XPO4: variants seen among roughly 807,000 people sequenced by gnomAD.
XPO4 encodes exportin-4.
XPO4 carries 39 observed loss-of-function variants against 143.0 expected under a neutral mutation model. The ratio of observed to expected loss-of-function variants is 0.27; its 90% CI spans 0.21 to 0.36. The LOEUF (loss-of-function observed/expected upper bound fraction) is 0.36, where lower values mean the gene tolerates loss of function less well. Ranked by LOEUF, XPO4 falls within the 10% of genes least tolerant of loss-of-function variation. The pLI, the probability that XPO4 is intolerant of heterozygous loss-of-function variation, is 1.00. For missense variants in XPO4, 907 were observed against 1,348.0 expected, an observed-to-expected ratio of 0.67 and a Z score of 5.12; for synonymous variants, 439 against 474.0, an observed-to-expected ratio of 0.93 and a Z score of 0.96.
rs1451694527 is a variant in XPO4, at chr13:20,779,812, A to G, written c.*3910T>C. The G allele has an allele frequency of 6.6e-6, 1 of 152,624 alleles. No individual in the cohort carries two copies. The highest frequency in any genetic ancestry group is 1.5e-5 in the Non-Finnish European group (1 of 68,030). The allele number at this position is 152,624 out of a possible 1,614,324, so 9.5% of individuals were successfully genotyped here. A position where few individuals can be genotyped will look rare whatever the true frequency, so the allele number is the denominator to read the frequency against. Reference sequence around the variant, plus strand: ...CATGGGTTCTCACTATAATCAACAAAGCATACTTCATATATTTTATATCTA... The same window carrying G: ...CATGGGTTCTCACTATAATCAACAAGGCATACTTCATATATTTTATATCTA... On this transcript the variant is annotated 3_prime_UTR_variant, in exon 23 of 23. Coordinates refer to ENST00000255305, the MANE Select transcript of XPO4 (RefSeq NM_022459.5).
chr13:20,855,840 C>A (rs1190534124), intron 3 of XPO4, 75 bp from the exon 4 acceptor site: 7 of 1,398,208 alleles, frequency 5.0e-6, no homozygotes, highest in Non-Finnish European at 6.7e-6. Flanking sequence ...TCTCTCTATG[C>A]CTGAAGCTAC....
intron 3 of XPO4, among the ~76,000 whole-genome samples, chr13:20,858,922 G>GTATATATATATATATATA (rs59921874): frequency 3.4e-5 from 5 of 148,798 alleles, no homozygotes; most frequent in African/African-American, 1.2e-4. Context: ...ATGTGTGTGT[G>GTATATATATATATATATA]TATATATATA....
intron 1 of XPO4, among the ~76,000 whole-genome samples, chr13:20,894,666 A>AC (rs1300399481): frequency 6.6e-6 from 1 of 151,658 alleles, no homozygotes; most frequent in East Asian, 1.9e-4. Context: ...ACATGGTAAA[A>AC]CCCCGTCTCT....
intron 3 of XPO4, among the ~76,000 whole-genome samples, chr13:20,861,592 G>A (rs1417359081): frequency 2.6e-5 from 4 of 151,506 alleles, no homozygotes; most frequent in African/African-American, 9.7e-5. Flanking sequence ...CACCACATCA[G>A]GCCTCATATA....
At chr13:20,893,790 C>T (rs34189408) in intron 1 of XPO4, among the ~76,000 whole-genome samples, 8,570 of 150,404 alleles carry the variant, frequency 0.057, 620 homozygotes, top group African/African-American at 0.17. Flanking sequence ...AAGAAAGAAA[C>T]ATGGCCTCCT....
At chr13:20,857,922 GA>G in intron 3 of XPO4, 1 of 984,940 alleles carries the variant, frequency 1.0e-6, no homozygotes, top group African/African-American at 1.7e-5. Flanking sequence ...AAATAAAAAA[GA>G]AAAAATTCTG....
chr13:20,836,008 C>T (rs1763808792), intron 6 of XPO4, among the ~76,000 whole-genome samples: 1 of 152,096 alleles, frequency 6.6e-6, no homozygotes, highest in African/African-American at 2.4e-5. Flanking sequence ...TATTATAGTA[C>T]ATATAAAACA....
chr13:20,859,772 T>A (rs2060179646), intron 3 of XPO4: 1 of 778,960 alleles, frequency 1.3e-6, no homozygotes, highest in African/African-American at 2.0e-5. Context: ...CAAGGCTCTG[T>A]CTCAAAAAAA....
chr13:20,870,556 C>G (rs1231660297), intron 1 of XPO4, among the ~76,000 whole-genome samples: 1 of 151,928 alleles, frequency 6.6e-6, no homozygotes, highest in African/African-American at 2.4e-5. Flanking sequence ...ATGGTGAAAC[C>G]CCATCTCTAC....
At chr13:20,851,240 A>G (rs71426039) in intron 4 of XPO4, 16,015 of 985,424 alleles carry the variant, frequency 0.016, 212 homozygotes, top group African/African-American at 0.061. Context: ...GCTACTGGGC[A>G]AGGACAAATA....
At chr13:20,860,406 G>C (rs2060186048) in intron 3 of XPO4, among the ~76,000 whole-genome samples, 1 of 152,180 alleles carries the variant, frequency 6.6e-6, no homozygotes, top group South Asian at 2.1e-4. Context: ...TATCATAATT[G>C]ATTTCAAAAT....
intron 2 of XPO4, chr13:20,866,325 T>C (rs1036586313): frequency 1.0e-6 from 1 of 984,540 alleles, no homozygotes; most frequent in Non-Finnish European, 1.2e-6. Context: ...TGAGGAAAAA[T>C]GAGCAACATA....
chr13:20,879,399 T>C (rs2060384441), intron 1 of XPO4: 1 of 833,692 alleles, frequency 1.2e-6, no homozygotes, highest in Non-Finnish European at 1.4e-6. Flanking sequence ...AGACAATGAA[T>C]ACCCACAAGC....
At position 20,879,058 on chromosome 13, in the gene XPO4, G is replaced by A. The variant is rs924916158; in HGVS notation, c.70-10357C>T. 21 of 959,252 alleles carry A rather than the reference G, an allele frequency of 2.2e-5. No homozygotes were observed. The Admixed American group carries it at 3.1e-4, about 14-fold the overall frequency. 59.4% of individuals were successfully genotyped at this position (959,252 alleles called of 1,614,324 possible). On this transcript the variant is annotated intron_variant, in intron 1 of 22. Coordinates refer to ENST00000255305, the MANE Select transcript of XPO4 (RefSeq NM_022459.5). ...AATCATCAAAAGCTAAAACAGAAGC[G>A]AACGCAGGGATCCAAAGATGAATGC... is the stretch of plus-strand genomic sequence containing the variant.
At chr13:20,805,433 C>T (rs2137872558) in intron 13 of XPO4, among the ~76,000 whole-genome samples, 1 of 152,338 alleles carries the variant, frequency 6.6e-6, no homozygotes, top group South Asian at 2.1e-4. Context: ...CCTCATTCTG[C>T]TCAACCCACC....
chr13:20,881,492 G>A (rs1385130063), intron 1 of XPO4, among the ~76,000 whole-genome samples: 1 of 151,834 alleles, frequency 6.6e-6, no homozygotes. Flanking sequence ...GGATGGCCTC[G>A]ATCTCCTGAC....
At chr13:20,807,395 C>T (rs2059521659) in intron 13 of XPO4, 62 bp downstream of exon 13, 1 of 1,502,610 alleles carries the variant, frequency 6.7e-7, no homozygotes, top group African/African-American at 1.4e-5. Flanking sequence ...ATCTACCCAT[C>T]AACTCAGAAT....
At chr13:20,886,957 T>C (rs1223909281) in intron 1 of XPO4, among the ~76,000 whole-genome samples, 1 of 151,796 alleles carries the variant, frequency 6.6e-6, no homozygotes, top group African/African-American at 2.4e-5. Flanking sequence ...CCTGTAATCC[T>C]AGCTACTCGT....
chr13:20,800,429 T>A, intron 14 of XPO4, 104 bp from the exon 15 acceptor site: 21 of 1,069,670 alleles, frequency 2.0e-5, no homozygotes, highest in Non-Finnish European at 2.4e-5. Context: ...TCTGAAGTAG[T>A]GCTTACTTCA....
Sources: gnomAD v4.1 joint callset for allele counts (sites outside exome capture counted in the v4.1 genomes callset) on GRCh38, gnomAD v4.1.1 for gene constraint, MANE v1.5 for transcripts, NCBI Gene and HGNC (gene_info 2026-07-23, HGNC 2026-07-21) for gene names.